Variants in TUBA1C observed in about 807,000 individuals in gnomAD.
TUBA1C encodes tubulin alpha-1C chain.
TUBA1C carries 16 observed loss-of-function variants against 34.9 expected under a neutral mutation model. The ratio of observed to expected loss-of-function variants is 0.46; its 90% CI spans 0.31 to 0.70. The LOEUF (loss-of-function observed/expected upper bound fraction) is 0.70. Ranked by LOEUF, TUBA1C falls within the 30% of genes least tolerant of loss-of-function variation. The pLI is 0.05. For missense variants in TUBA1C, 329 were observed against 587.3 expected, an observed-to-expected ratio of 0.56 and a Z score of 4.55; for synonymous variants, 177 against 215.9, an observed-to-expected ratio of 0.82 and a Z score of 1.58.
intron 1 of TUBA1C, among the ~76,000 whole-genome samples, chr12:49,244,999 T>TA: frequency 6.6e-6 from 1 of 152,146 alleles, no homozygotes; most frequent in East Asian, 1.9e-4. Context: ...ACTCATCAAG[T>TA]ACACAGTGAC....
intron 1 of TUBA1C, among the ~76,000 whole-genome samples, chr12:49,255,023 G>A (rs2137005909): frequency 6.6e-6 from 1 of 152,114 alleles, no homozygotes; most frequent in African/African-American, 2.4e-5. Context: ...GAGCTCAAGT[G>A]ATCCTACCAC....
chr12:49,272,972 C>T lies in TUBA1C; in HGVS notation c.1095C>T (p.Gly365=), dbSNP rs706800. The T allele has an allele frequency of 1.3e-4, 216 of 1,614,198 alleles. No individual in the cohort carries two copies. Among genetic ancestry groups the T allele is most frequent in the African/African-American group, 2.8e-4 (21 of 75,048 alleles). The change falls in exon 4 of 4, where the codon GGC becomes GGT. Residue 365 remains glycine (G), a synonymous_variant. Coordinates refer to ENST00000301072, the MANE Select transcript of TUBA1C (RefSeq NM_032704.5). ...INYQPPTVVP[G]GDLAKVQRAV... ...ACCAGCCTCCCACTGTGGTGCCTGG[C>T]GGAGACCTGGCCAAGGTACAGAGAG...
In TUBA1C at chr12:49,274,243, A is replaced by AGGACTAC. The variant is rs1943032552; in HGVS notation, c.*1017_*1023dup. The AGGACTAC allele has an allele frequency of 6.7e-6, 1 of 148,932 alleles. No homozygotes were observed. The highest frequency in any genetic ancestry group is 1.5e-5 in the Non-Finnish European group (1 of 67,670). The allele number at this position is 148,932 out of a possible 1,614,324, so 9.2% of individuals were successfully genotyped here. ...TCCCACCTCAGCCTCCCAAGTAGCC[A>AGGACTAC]GGACTACAGGTGTGTTCCACCATGC... On this transcript the variant is annotated 3_prime_UTR_variant, in exon 4 of 4. Coordinates refer to ENST00000301072, the MANE Select transcript of TUBA1C (RefSeq NM_032704.5).
chr12:49,271,699 A>G (rs959554752), intron 3 of TUBA1C, among the ~76,000 whole-genome samples: 25 of 152,184 alleles, frequency 1.6e-4, no homozygotes, highest in African/African-American at 5.3e-4. Flanking sequence ...GCAGCTGCCA[A>G]ATCTTTACAA....
rs935333915 is a variant in TUBA1C at position 49,273,399 on chromosome 12, A to G, written c.*172A>G. 2.5e-6 allele frequency: 3 copies of G among 1,219,008 alleles called. No homozygotes were observed. The highest frequency in any genetic ancestry group is 3.0e-5 in the African/African-American group (2 of 66,696). The allele number at this position is 1,219,008 out of a possible 1,614,324, so 75.5% of individuals were successfully genotyped here. On this transcript the variant is annotated 3_prime_UTR_variant, in exon 4 of 4. Transcript: ENST00000301072. ...ATGTATGAGGCTGGTAGATGAAACCACCTGAGTCGAGGGTCTTGCTCTGTC... is the reference window on the plus strand; with the variant it reads ...ATGTATGAGGCTGGTAGATGAAACCGCCTGAGTCGAGGGTCTTGCTCTGTC...
At position 49,272,829 on chromosome 12, in the gene TUBA1C, T is replaced by A. The variant is rs1359630691; in HGVS notation, c.952T>A (p.Leu318Ile). The A allele has an allele frequency of 6.2e-7, 1 of 1,614,142 alleles. No homozygotes were observed. Among genetic ancestry groups the A allele is most frequent in the Admixed American group, 1.7e-5 (1 of 60,012 alleles). The change falls in exon 4 of 4, where the codon TTA becomes ATA. Residue 318 changes from leucine (L) to isoleucine (I), a missense_variant. By Grantham distance (5) the Leu-to-Ile change is conservative. Transcript: ENST00000301072. ...RHGKYMACCL[L>I]YRGDVVPKDV... The stretch of plus-strand genomic sequence containing the variant: ...TGGTAAATACATGGCTTGCTGCCTG[T>A]TATACCGTGGTGACGTGGTTCCCAA...
intron 1 of TUBA1C, 30 bp downstream of exon 1, chr12:49,265,214 G>A (rs367928778): frequency 6.3e-7 from 1 of 1,584,372 alleles, no homozygotes; most frequent in African/African-American, 1.3e-5. Context: ...GGCTGGGGAA[G>A]AGTGCGCGTC....
intron 1 of TUBA1C, among the ~76,000 whole-genome samples, chr12:49,240,401 A>T (rs1942602992): frequency 6.6e-6 from 1 of 152,022 alleles, no homozygotes; most frequent in Admixed American, 6.6e-5. Context: ...CCACAGAGGA[A>T]CTGCCTTAAA....
intron 1 of TUBA1C, among the ~76,000 whole-genome samples, chr12:49,234,505 C>G (rs1592272167): frequency 6.6e-6 from 1 of 152,244 alleles, no homozygotes; most frequent in South Asian, 2.1e-4. Context: ...TTGGTTAGTA[C>G]GGTGACGTGC....
chr12:49,264,852 CCTTCCTCCCCTTCCTCCT>C (rs1942881515), upstream of TUBA1C: 1 of 195,480 alleles, frequency 5.1e-6, no homozygotes. Flanking sequence ...CCCTTCCTCC[CCTTCCTCCCCTTCCTCCT>C]CTTCCTGCTC....
chr12:49,230,542 G>T (rs1035129663), intron 1 of TUBA1C, among the ~76,000 whole-genome samples: 3 of 152,248 alleles, frequency 2.0e-5, no homozygotes, highest in African/African-American at 7.2e-5. Context: ...CCTCCACAGG[G>T]TGCCATGGGG....
At chr12:49,271,934 T>G (rs1159612843) in intron 3 of TUBA1C, among the ~76,000 whole-genome samples, 1 of 152,174 alleles carries the variant, frequency 6.6e-6, no homozygotes, top group Admixed American at 6.5e-5. Context: ...AGGACTTGAT[T>G]GTGAAAAGTT....
intron 1 of TUBA1C, among the ~76,000 whole-genome samples, chr12:49,240,035 G>GACAC (rs5798100): frequency 0.031 from 4,329 of 138,716 alleles, 124 homozygotes; most frequent in African/African-American, 0.074. Flanking sequence ...TCAGAGCACA[G>GACAC]ACACACACAC....
intron 1 of TUBA1C, among the ~76,000 whole-genome samples, chr12:49,234,654 G>A (rs1354446890): frequency 6.6e-6 from 1 of 152,148 alleles, no homozygotes; most frequent in Non-Finnish European, 1.5e-5. Context: ...CGCCACGAAG[G>A]CCACTTCCGC....
At chr12:49,264,863 T>C (rs1257499325), upstream of TUBA1C, 2 of 128,162 alleles carry the variant, frequency 1.6e-5, no homozygotes, top group Non-Finnish European at 3.2e-5. Flanking sequence ...CTTCCTCCCC[T>C]TCCTCCTCTT....
At chr12:49,264,009 A>G (rs1942866978), upstream of TUBA1C, among the ~76,000 whole-genome samples, 2 of 152,032 alleles carry the variant, frequency 1.3e-5, no homozygotes, top group Non-Finnish European at 2.9e-5. Flanking sequence ...TCACGAGGTC[A>G]AGAGATCGAG....
chr12:49,269,474 A>G lies in TUBA1C; in HGVS notation c.13A>G (p.Ile5Val). MREC[I>V]SIHVGQAGVQ... ...TTTCTTCCTCCCACAGCGTGAGTGC[A>G]TCTCCATCCACGTTGGCCAGGCTGG... The change falls in exon 2 of 4, where the codon ATC (isoleucine) becomes GTC (valine). Residue 5 changes from isoleucine (I) to valine (V), a missense_variant. Ile to Val is a conservative substitution (Grantham distance 29). This residue lies in a region of TUBA1C where 152 missense variants were observed against 240.3 expected (regional missense o/e 0.63). Coordinates refer to ENST00000301072, the MANE Select transcript of TUBA1C (RefSeq NM_032704.5). 6.2e-7 allele frequency: 1 copy of G among 1,614,180 alleles called. No individual in the cohort carries two copies.
rs114827253 is a variant in TUBA1C, at chr12:49,244,778, G to A, written c.213+16612G>A. On this transcript the variant is annotated intron_variant, in intron 1 of 3. Coordinates refer to the TUBA1C transcript ENST00000541364. The stretch of plus-strand genomic sequence containing the variant: ...CAGTCATGTCTCCACTGTGTGTAAG[G>A]ATGGAAAATGAGATTGAAGGCCATC... Among the ~76,000 whole-genome samples the A allele has an allele frequency of 5.8e-3, 884 of 152,186 alleles. 2 individuals are homozygous for A. The highest frequency in any genetic ancestry group is 0.019 in the African/African-American group (792 of 41,532).
At chr12:49,251,295 A>T (rs1942729728) in intron 1 of TUBA1C, among the ~76,000 whole-genome samples, 2 of 152,200 alleles carry the variant, frequency 1.3e-5, no homozygotes, top group Admixed American at 6.6e-5. Flanking sequence ...TATTTAAAGA[A>T]CCAATAATAC....
Sources: allele counts gnomAD v4.1 joint callset (sites outside exome capture counted in the v4.1 genomes callset), GRCh38; gene constraint gnomAD v4.1.1; regional missense constraint gnomAD v4.1.1; transcripts MANE v1.5; gene names NCBI Gene and HGNC (gene_info 2026-07-23, HGNC 2026-07-21).